The following GLG1 variants were observed in gnomAD, a reference collection of about 807,000 sequenced individuals.
GLG1 encodes the protein golgi glycoprotein 1.
Under a neutral mutation model 160.5 loss-of-function variants are expected in GLG1, and 38 were observed. The ratio of observed to expected loss-of-function variants is 0.24; its 90% CI spans 0.18 to 0.31. The LOEUF (loss-of-function observed/expected upper bound fraction) is 0.31, where lower values mean the gene tolerates loss of function less well. GLG1 is among the 10% of genes least tolerant of loss of function. The pLI is 1.00. For synonymous variants in GLG1, 644 were observed against 543.4 expected (o/e 1.19, Z -2.57); for missense variants, 1,373 against 1,505.2 (o/e 0.91, Z 1.45).
intron 1 of GLG1, among the ~76,000 whole-genome samples, chr16:74,579,206 A>C (rs563323595): frequency 3.3e-4 from 50 of 152,210 alleles, no homozygotes; most frequent in African/African-American, 1.0e-3. Context: ...ACAACAACAA[A>C]AAAAACAGCC....
At chr16:74,467,661 C>T (rs763681686) in intron 18 of GLG1, 95 bp downstream of exon 18, 7 of 835,768 alleles carry the variant, frequency 8.4e-6, no homozygotes, top group Non-Finnish European at 1.4e-5. Flanking sequence ...AAATTCATGA[C>T]TAAAATGTTA....
In GLG1 at chr16:74,470,988, C is replaced by T. The variant is rs571265150; in HGVS notation, c.2229+185G>A. Among the ~76,000 whole-genome samples, 8 of 151,946 alleles carry T rather than the reference C, an allele frequency of 5.3e-5. No homozygotes were observed. In the South Asian group the frequency reaches 1.7e-3, roughly 32 times the overall value. ...CTCAGGTTGGTCTTGAACTCCTGGC[C>T]TCAAGTGATCCACCCACCTCAGCCT... On this transcript the variant is annotated intron_variant, in intron 15 of 25. Coordinates refer to ENST00000422840, the MANE Select transcript of GLG1 (RefSeq NM_001145667.2).
intron 25 of GLG1, among the ~76,000 whole-genome samples, chr16:74,456,166 G>A (rs1171633724): frequency 6.6e-6 from 1 of 152,186 alleles, no homozygotes; most frequent in Non-Finnish European, 1.5e-5. Context: ...TTTGCCATGG[G>A]TGTGACATCT....
chr16:74,527,763 G>T (rs12444822), intron 2 of GLG1, among the ~76,000 whole-genome samples: 3,707 of 152,026 alleles, frequency 0.024, 60 homozygotes, highest in Non-Finnish European at 0.036. Context: ...GTCTTGCTCT[G>T]TCGGCCAGGG....
chr16:74,556,684 TA>T (rs931027597), intron 1 of GLG1, among the ~76,000 whole-genome samples: 14 of 149,368 alleles, frequency 9.4e-5, no homozygotes, highest in African/African-American at 2.0e-4. Flanking sequence ...ATAATATTAT[TA>T]TTTTTTTATT....
At chr16:74,600,108 A>G (rs951421505) in intron 1 of GLG1, among the ~76,000 whole-genome samples, 1 of 152,244 alleles carries the variant, frequency 6.6e-6, no homozygotes, top group East Asian at 1.9e-4. Flanking sequence ...AGCATGTGCT[A>G]TTGGTAATAT....
At chr16:74,580,916 C>CA (rs1185186512) in intron 1 of GLG1, among the ~76,000 whole-genome samples, 4 of 152,224 alleles carry the variant, frequency 2.6e-5, no homozygotes, top group South Asian at 2.1e-4. Context: ...ACTAAAAATA[C>CA]AAAAAATTAG....
chr16:74,474,089 C>T (rs1334345401), intron 13 of GLG1: 1 of 155,090 alleles, frequency 6.4e-6, no homozygotes, highest in East Asian at 1.9e-4. Flanking sequence ...AAGTACGTGG[C>T]ACTACAGGCG....
chr16:74,542,751 A>AAGGG (rs2017923971), intron 1 of GLG1, among the ~76,000 whole-genome samples: 1 of 27,074 alleles, frequency 3.7e-5, no homozygotes, highest in Non-Finnish European at 1.0e-4. Context: ...GGAAGGAAGG[A>AAGGG]AGGAAGGAAG....
chr16:74,596,228 AG>A (rs1428553718), intron 1 of GLG1, among the ~76,000 whole-genome samples: 2 of 151,752 alleles, frequency 1.3e-5, no homozygotes, highest in Non-Finnish European at 2.9e-5. Context: ...TCTCAAAAAA[AG>A]AAAAAAAATT....
chr16:74,454,497 C>T (rs1597212743), intron 25 of GLG1, among the ~76,000 whole-genome samples: 3 of 150,780 alleles, frequency 2.0e-5, no homozygotes, highest in Admixed American at 2.0e-4. Context: ...GAAACCCTGT[C>T]TCTACTAAAA....
chr16:74,526,035 A>G lies in GLG1; in HGVS notation c.471+6086T>C, dbSNP rs554980859. 8.5e-5 allele frequency among the ~76,000 whole-genome samples: 13 copies of G among 152,356 alleles called. No homozygotes were observed. In the South Asian group the frequency reaches 2.1e-3, roughly 24 times the overall value. On this transcript the variant is annotated intron_variant, in intron 2 of 25. Coordinates refer to ENST00000422840, the MANE Select transcript of GLG1 (RefSeq NM_001145667.2). ...AAGACTCCATCTCAAAAATAAATAA[A>G]TAAATAAATAGAAGTTATTCAGGCT...
intron 11 of GLG1, among the ~76,000 whole-genome samples, chr16:74,479,073 A>AAAAAAAAAAAAAAAAAAAAAAAAG (rs1567469672): frequency 7.4e-6 from 1 of 134,312 alleles, no homozygotes; most frequent in African/African-American, 2.8e-5. Context: ...AAAAAAAAAA[A>AAAAAAAAAAAAAAAAAAAAAAAAG]AAAAAGCCAG....
In GLG1 at chr16:74,498,448, G is replaced by GTATATATATATATATATTATATATA. The variant is rs2016282471; in HGVS notation, c.775-1805_775-1804insTATATATAATATATATATATATATA. ...GGCTCTGTCTCAAAAAAAAAAAAAA[G>GTATATATATATATATATTATATATA]TATATATATATATATATATTATATT... On this transcript the variant is annotated intron_variant, in intron 4 of 25. Coordinates refer to ENST00000422840, the MANE Select transcript of GLG1 (RefSeq NM_001145667.2). Among the ~76,000 whole-genome samples, 11 of 24,054 alleles carry GTATATATATATATATATTATATATA rather than the reference G, an allele frequency of 4.6e-4. 1 individual carries two copies. Among genetic ancestry groups the GTATATATATATATATATTATATATA allele is most frequent in the African/African-American group, 1.5e-3 (11 of 7,158 alleles). The allele number at this position is 24,054 out of a possible 152,430, so 15.8% of individuals were successfully genotyped here.
Position 74,603,705 on chromosome 16 carries a change from C to T in GLG1, c.438+2952G>A, listed in dbSNP as rs371058282. Among the ~76,000 whole-genome samples the T allele has an allele frequency of 3.5e-4, 54 of 152,192 alleles. No homozygotes were observed. In the South Asian group the frequency reaches 0.011, roughly 31 times the overall value. On this transcript the variant is annotated intron_variant, in intron 1 of 25. Transcript: ENST00000422840. ...AAGTAAAGTATTTTAAAATGACTGACAACATCAAGCATGCCTTCCTTATCA... is the reference window on the plus strand; with the variant it reads ...AAGTAAAGTATTTTAAAATGACTGATAACATCAAGCATGCCTTCCTTATCA...
At chr16:74,483,386 T>C (rs1168338641) in intron 9 of GLG1, among the ~76,000 whole-genome samples, 1 of 152,142 alleles carries the variant, frequency 6.6e-6, no homozygotes, top group African/African-American at 2.4e-5. Context: ...ATGAAAACTT[T>C]CCAACACACA....
At chr16:74,599,660 C>A (rs558077144) in intron 1 of GLG1, among the ~76,000 whole-genome samples, 1 of 152,248 alleles carries the variant, frequency 6.6e-6, no homozygotes, top group East Asian at 1.9e-4. Context: ...GTCAGGAGAT[C>A]GAGACCATCC....
At position 74,607,099 on chromosome 16, in the gene GLG1, A is replaced by C. The variant is rs1389170824; in HGVS notation, c.-5T>G. The C allele has an allele frequency of 6.6e-6, 10 of 1,526,460 alleles. No individual in the cohort carries two copies. Among genetic ancestry groups the C allele is most frequent in the Non-Finnish European group, 7.9e-6 (9 of 1,135,158 alleles). 94.6% of individuals were successfully genotyped at this position (1,526,460 alleles called of 1,614,324 possible). A position where few individuals can be genotyped will look rare whatever the true frequency, so the allele number is the denominator to read the frequency against. On this transcript the variant is annotated 5_prime_UTR_variant, in exon 1 of 26. Coordinates refer to ENST00000422840, the MANE Select transcript of GLG1 (RefSeq NM_001145667.2). ...TACACGTCCACACGCCGCCATCTTG[A>C]GTCCGCGGCGAGCTCGACGCACTCG...
At chr16:74,600,731 C>CAAAAAAAAAAA (rs56122377) in intron 1 of GLG1, among the ~76,000 whole-genome samples, 30 of 112,582 alleles carry the variant, frequency 2.7e-4, no homozygotes, top group African/African-American at 3.2e-4. Context: ...GATTCCACCT[C>CAAAAAAAAAAA]AAAAAAAAAA....
Sources: gnomAD v4.1 joint callset for allele counts (sites outside exome capture counted in the v4.1 genomes callset) on GRCh38, gnomAD v4.1.1 for gene constraint, MANE v1.5 for transcripts, NCBI Gene and HGNC (gene_info 2026-07-23, HGNC 2026-07-21) for gene names.